Variants in GLCCI1 observed in about 807,000 individuals in gnomAD.
The protein encoded by GLCCI1 is glucocorticoid induced 1.
A neutral mutation model predicts 52.2 loss-of-function variants in GLCCI1; 24 were observed. The observed-to-expected ratio is 0.46, with a 90% CI of 0.33 to 0.65. The LOEUF is 0.65. Ranked by LOEUF, GLCCI1 falls within the 30% of genes least tolerant of loss-of-function variation. GLCCI1 has a pLI of 0.02. For missense variants in GLCCI1, 704 were observed against 701.5 expected, an observed-to-expected ratio of 1.00 and a Z score of -0.04; for synonymous variants, 310 against 276.5, an observed-to-expected ratio of 1.12 and a Z score of -1.20.
At chr7:8,072,830 T>G (rs925379943) in intron 6 of GLCCI1, among the ~76,000 whole-genome samples, 1 of 152,154 alleles carries the variant, frequency 6.6e-6, no homozygotes, top group African/African-American at 2.4e-5. Flanking sequence ...AGTTCTGTTT[T>G]CTTTAATACT....
In GLCCI1 at chr7:8,004,271, G is replaced by A. The variant is rs1423400196; in HGVS notation, c.609+212G>A. On this transcript the variant is annotated intron_variant, in intron 2 of 7. Transcript: ENST00000223145. ...TTTGAAATTCTTTAATACTTAAATA[G>A]CACATCAGTCTATATTACATGGTTG... 2.5e-5 allele frequency: 12 copies of A among 480,606 alleles called. No individual in the cohort carries two copies. In the South Asian group the frequency reaches 2.7e-4, roughly 11 times the overall value. The allele number at this position is 480,606 out of a possible 1,614,324, so 29.8% of individuals were successfully genotyped here.
chr7:7,987,560 C>T (rs115122105), intron 1 of GLCCI1, among the ~76,000 whole-genome samples: 1,783 of 152,140 alleles, frequency 0.012, 23 homozygotes, highest in African/African-American at 0.041. Flanking sequence ...TGACATTTTA[C>T]TACTTAGAGA....
intron 6 of GLCCI1, among the ~76,000 whole-genome samples, chr7:8,082,908 A>G (rs1332937527): frequency 6.6e-6 from 1 of 152,238 alleles, no homozygotes; most frequent in Non-Finnish European, 1.5e-5. Flanking sequence ...AGGCCTGATG[A>G]TGTAGTAAGA....
At position 8,004,028 on chromosome 7, in the gene GLCCI1, A is replaced by G; in HGVS notation, c.578A>G (p.Tyr193Cys). 6.2e-7 allele frequency: 1 copy of G among 1,613,544 alleles called. No homozygotes were observed. Among genetic ancestry groups the G allele is most frequent in the Non-Finnish European group, 8.5e-7 (1 of 1,179,648 alleles). ...TGGCCACGGGATCCTCATGTTCACT[A>G]CCCTTCATGCATGAAAGACAAAGCT... ...GQWPRDPHVHYPSCMKDKATQ... is the reference protein window; with the variant it reads ...GQWPRDPHVHCPSCMKDKATQ... Residue 193 changes from tyrosine to cysteine, a missense_variant, in exon 2 of 8, where the codon TAC (tyrosine) becomes TGC (cysteine). Tyr to Cys is a radical substitution (Grantham distance 194). Transcript: ENST00000223145.
chr7:8,055,728 G>A, intron 4 of GLCCI1, 179 bp downstream of exon 4: 2 of 450,608 alleles, frequency 4.4e-6, no homozygotes, highest in South Asian at 4.6e-5. Flanking sequence ...GGTGGCTCAC[G>A]CCTGTAATCC....
intron 2 of GLCCI1, among the ~76,000 whole-genome samples, chr7:8,020,500 C>G (rs913836624): frequency 2.0e-5 from 3 of 152,126 alleles, no homozygotes; most frequent in African/African-American, 7.2e-5. Context: ...GATAAGAGAA[C>G]TCAGATTTAG....
At chr7:7,970,474 A>C (rs939263658) in intron 1 of GLCCI1, 1 of 145,792 alleles carries the variant, frequency 6.9e-6, no homozygotes, top group Non-Finnish European at 1.5e-5. Context: ...CCTGCACTGG[A>C]AACAGTTTGT....
At chr7:8,025,152 T>G (rs1781586482) in intron 3 of GLCCI1, among the ~76,000 whole-genome samples, 1 of 152,154 alleles carries the variant, frequency 6.6e-6, no homozygotes, top group African/African-American at 2.4e-5. Flanking sequence ...GTGGAGGCTG[T>G]GGACATGCAC....
intron 1 of GLCCI1, chr7:7,980,887 C>A: frequency 1.6e-6 from 1 of 635,040 alleles, no homozygotes; most frequent in Non-Finnish European, 2.9e-6. Flanking sequence ...TTAGATGGTC[C>A]ATTTTGATGA....
rs193263173 is a variant in GLCCI1, at chr7:8,079,628, G to A, written c.1178-5269G>A. 7.0e-4 allele frequency among the ~76,000 whole-genome samples: 106 copies of A among 151,494 alleles called. 7 individuals carry two copies. The highest frequency in any genetic ancestry group is 3.4e-3 in the Middle Eastern group (1 of 294). On this transcript the variant is annotated intron_variant, in intron 6 of 7. Coordinates refer to ENST00000223145, the MANE Select transcript of GLCCI1 (RefSeq NM_138426.4). ...GTTCTGCATATCAAGATTATGTTGTGGAAGAAGCACTGTACTTATTTTGAC... is the reference window on the plus strand; with the variant it reads ...GTTCTGCATATCAAGATTATGTTGTAGAAGAAGCACTGTACTTATTTTGAC...
At chr7:8,062,661 CT>C (rs1390273733) in intron 5 of GLCCI1, among the ~76,000 whole-genome samples, 3 of 152,128 alleles carry the variant, frequency 2.0e-5, no homozygotes, top group African/African-American at 7.2e-5. Flanking sequence ...TTGTTCCCTT[CT>C]TTGTATCTGT....
At chr7:8,073,060 T>G (rs1249823430) in intron 6 of GLCCI1, among the ~76,000 whole-genome samples, 1 of 152,158 alleles carries the variant, frequency 6.6e-6, no homozygotes, top group Non-Finnish European at 1.5e-5. Context: ...TCAATTTTAT[T>G]ATGAGAAAGT....
chr7:8,025,050 G>T (rs966134514), intron 3 of GLCCI1, among the ~76,000 whole-genome samples: 5 of 152,220 alleles, frequency 3.3e-5, no homozygotes, highest in Non-Finnish European at 5.9e-5. Flanking sequence ...GGGGCCAGCA[G>T]TAGGCTCATG....
chr7:8,022,619 T>C lies in GLCCI1; in HGVS notation c.696+50T>C, dbSNP rs919926129. On this transcript the variant is annotated intron_variant, in intron 3 of 7. Transcript: ENST00000223145. ...GTAACCTGTTTTGGTCCTAGTAGAT[T>C]ACCTTAGTATTTCCTGAATGTAATG... is the stretch of plus-strand genomic sequence containing the variant. 6.1e-6 allele frequency: 7 copies of C among 1,146,870 alleles called. No homozygotes were observed. The African/African-American group carries it at 1.1e-4, about 18-fold the overall frequency. The allele number at this position is 1,146,870 out of a possible 1,614,324, so 71.0% of individuals were successfully genotyped here.
intron 5 of GLCCI1, among the ~76,000 whole-genome samples, chr7:8,063,670 G>C (rs1389938570): frequency 7.0e-6 from 1 of 143,040 alleles, no homozygotes; most frequent in Non-Finnish European, 1.5e-5. Flanking sequence ...CCAGGCTGGA[G>C]TATAGCGGCA....
rs58360790 is a variant in GLCCI1, at chr7:8,088,240, TTGTGTGTGTGTGTGTGTG to T, written c.*1716_*1733del. ...AGAAATGATATATATATGTATATGT[TTGTGTGTGTGTGTGTGTG>T]TGTGTGTGTGTGTATTCTGTGCATT... is the stretch of plus-strand genomic sequence containing the variant. On this transcript the variant is annotated 3_prime_UTR_variant, in exon 8 of 8. Coordinates refer to ENST00000223145, the MANE Select transcript of GLCCI1 (RefSeq NM_138426.4). The T allele has an allele frequency of 2.0e-5, 3 of 147,368 alleles. No homozygotes were observed. The highest frequency in any genetic ancestry group is 2.5e-5 in the African/African-American group (1 of 39,754). The allele number at this position is 147,368 out of a possible 1,614,324, so 9.1% of individuals were successfully genotyped here. A position where few individuals can be genotyped will look rare whatever the true frequency, so the allele number is the denominator to read the frequency against.
chr7:8,040,245 G>C (rs1291022329), intron 3 of GLCCI1, among the ~76,000 whole-genome samples: 1 of 152,072 alleles, frequency 6.6e-6, no homozygotes, highest in African/African-American at 2.4e-5. Context: ...CAGCACTTAG[G>C]GAGGCTGAGA....
intron 1 of GLCCI1, among the ~76,000 whole-genome samples, chr7:7,973,237 A>G (rs1287349778): frequency 6.6e-6 from 1 of 152,232 alleles, no homozygotes; most frequent in Non-Finnish European, 1.5e-5. Flanking sequence ...AAAAAGCAGG[A>G]TGTTAGTGTT....
At chr7:7,998,668 A>G (rs1034242301) in intron 1 of GLCCI1, among the ~76,000 whole-genome samples, 3 of 152,088 alleles carry the variant, frequency 2.0e-5, no homozygotes, top group African/African-American at 7.2e-5. Context: ...AGTGTTTTGT[A>G]TTTAGGTTTT....
Sources: gnomAD v4.1 joint callset for allele counts (sites outside exome capture counted in the v4.1 genomes callset) on GRCh38, gnomAD v4.1.1 for gene constraint, MANE v1.5 for transcripts, NCBI Gene and HGNC (gene_info 2026-07-23, HGNC 2026-07-21) for gene names.